The following TNKS variants were observed in gnomAD, a reference collection of about 807,000 sequenced individuals.
TNKS encodes the protein poly [ADP-ribose] polymerase tankyrase-1.
Under a neutral mutation model 135.8 loss-of-function variants are expected in TNKS, and 72 were observed. That is an observed-to-expected ratio of 0.53 (90% CI 0.44 to 0.64). TNKS has a LOEUF of 0.64. Ranked by LOEUF, TNKS falls within the 30% of genes least tolerant of loss-of-function variation. The pLI is 0.00. For missense variants in TNKS, 1,769 were observed against 1,674.0 expected (o/e 1.06, Z -0.99); for synonymous variants, 849 against 649.3 (o/e 1.31, Z -4.68).
intron 2 of TNKS, among the ~76,000 whole-genome samples, chr8:9,580,659 C>G (rs1352043383): frequency 6.6e-6 from 1 of 152,096 alleles, no homozygotes; most frequent in Admixed American, 6.6e-5. Context: ...TTTATAGTCT[C>G]TTTTAAAGAC....
chr8:9,669,290 C>CG (rs1385668496), intron 3 of TNKS, among the ~76,000 whole-genome samples: 6 of 151,266 alleles, frequency 4.0e-5, no homozygotes, highest in African/African-American at 1.5e-4. Flanking sequence ...CGGTGGCGGG[C>CG]GCCTGTAGTC....
At chr8:9,700,138 T>C (rs1034834295) in intron 5 of TNKS, among the ~76,000 whole-genome samples, 3 of 152,130 alleles carry the variant, frequency 2.0e-5, no homozygotes, top group Non-Finnish European at 4.4e-5. Context: ...TTCCCGGGTG[T>C]CCTGAACTCC....
chr8:9,766,181 G>T, intron 24 of TNKS, 58 bp from the exon 25 acceptor site: 2 of 1,432,124 alleles, frequency 1.4e-6, no homozygotes, highest in Non-Finnish European at 1.9e-6. Context: ...TAGTGTGCAG[G>T]TAATTGAGCT....
At chr8:9,568,948 C>G (rs767900957) in intron 1 of TNKS, among the ~76,000 whole-genome samples, 11 of 152,284 alleles carry the variant, frequency 7.2e-5, no homozygotes, top group East Asian at 3.9e-4. Flanking sequence ...TATACCTGTA[C>G]TTGTTTTGAG....
chr8:9,746,932 C>T (rs1029022424), intron 17 of TNKS, among the ~76,000 whole-genome samples: 15 of 141,806 alleles, frequency 1.1e-4, no homozygotes, highest in South Asian at 4.4e-4. Flanking sequence ...AACCAGGCTG[C>T]GGTGCGGTGG....
chr8:9,671,407 G>A (rs903047065), intron 3 of TNKS, among the ~76,000 whole-genome samples: 1 of 152,066 alleles, frequency 6.6e-6, no homozygotes, highest in African/African-American at 2.4e-5. Flanking sequence ...TCCATATAAT[G>A]GAATATAACT....
intron 5 of TNKS, among the ~76,000 whole-genome samples, chr8:9,684,016 A>G (rs116630438): frequency 0.011 from 1,667 of 151,960 alleles, 12 homozygotes; most frequent in African/African-American, 0.023. Flanking sequence ...TTGCTCTAAA[A>G]TGATACTTTT....
intron 2 of TNKS, among the ~76,000 whole-genome samples, chr8:9,589,522 G>T (rs1352482762): frequency 6.6e-6 from 1 of 152,192 alleles, no homozygotes; most frequent in East Asian, 1.9e-4. Flanking sequence ...TTGCTGTGAG[G>T]TCTTGGCTTC....
chr8:9,729,104 G>A lies in TNKS; in HGVS notation c.2002-1786G>A, dbSNP rs1262739705. 3.3e-5 allele frequency among the ~76,000 whole-genome samples: 5 copies of A among 152,282 alleles called. No homozygotes were observed. The South Asian group carries it at 8.3e-4, about 25-fold the overall frequency. On this transcript the variant is annotated intron_variant, in intron 13 of 26. Transcript: ENST00000310430. ...GTCTTGTTGCTGCCTCTTCTGGAGG[G>A]GACAAATGCTGTATCCTCACTTGGC...
chr8:9,572,016 A>G (rs1241579759), intron 1 of TNKS, among the ~76,000 whole-genome samples: 1 of 152,046 alleles, frequency 6.6e-6, no homozygotes, highest in Non-Finnish European at 1.5e-5. Context: ...CCTATATTGT[A>G]ATTATTTGTT....
chr8:9,738,978 C>G (rs900496579), intron 17 of TNKS, among the ~76,000 whole-genome samples: 4 of 151,984 alleles, frequency 2.6e-5, no homozygotes, highest in African/African-American at 9.7e-5. Context: ...TCTCGTTGAT[C>G]TGTCTAATAT....
In TNKS at chr8:9,704,631, T is replaced by A. The variant is rs1803963496; in HGVS notation, c.1108-32T>A. The A allele has an allele frequency of 1.9e-6, 3 of 1,559,758 alleles. No homozygotes were observed. In the South Asian group the frequency reaches 3.4e-5, roughly 18 times the overall value. On this transcript the variant is annotated intron_variant, in intron 5 of 26. Transcript: ENST00000310430. ...AAGGATTTTCTTTGTTTGTTTGTTT[T>A]TACCTGAAAAGGGGATGTTTTTCTT...
At chr8:9,672,466 G>A (rs1343669720) in intron 3 of TNKS, among the ~76,000 whole-genome samples, 3 of 151,882 alleles carry the variant, frequency 2.0e-5, no homozygotes, top group African/African-American at 4.8e-5. Context: ...AAGTTTTGCT[G>A]CCATCTGAGT....
intron 2 of TNKS, among the ~76,000 whole-genome samples, chr8:9,592,898 C>T (rs1227000616): frequency 6.6e-6 from 1 of 152,116 alleles, no homozygotes; most frequent in African/African-American, 2.4e-5. Context: ...AAATATAAAA[C>T]ACATTTTATA....
intron 3 of TNKS, among the ~76,000 whole-genome samples, chr8:9,626,150 A>G (rs992943401): frequency 2.6e-5 from 4 of 152,152 alleles, no homozygotes; most frequent in African/African-American, 9.7e-5. Context: ...TCTTCATTTT[A>G]TAAAAACTCT....
At chr8:9,685,054 A>G (rs1280422844) in intron 5 of TNKS, among the ~76,000 whole-genome samples, 1 of 152,164 alleles carries the variant, frequency 6.6e-6, no homozygotes, top group African/African-American at 2.4e-5. Flanking sequence ...CATGATTTTA[A>G]TTCAGAAAAC....
At position 9,729,601 on chromosome 8, in the gene TNKS, G is replaced by A. The variant is rs145270168; in HGVS notation, c.2002-1289G>A. Reference sequence around the variant, plus strand: ...GTTAAAAATCAGTAAAGCAGGGTTTGAGTCTTTATTCTACCCCTTACCAAC... The same window carrying A: ...GTTAAAAATCAGTAAAGCAGGGTTTAAGTCTTTATTCTACCCCTTACCAAC... On this transcript the variant is annotated intron_variant, in intron 13 of 26. Transcript: ENST00000310430. Among the ~76,000 whole-genome samples the A allele has an allele frequency of 4.6e-5, 7 of 152,172 alleles. No individual in the cohort carries two copies. In the East Asian group the frequency reaches 1.4e-3, roughly 29 times the overall value.
chr8:9,709,898 A>C, intron 9 of TNKS, 57 bp from the exon 10 acceptor site: 1 of 1,338,912 alleles, frequency 7.5e-7, no homozygotes, highest in Non-Finnish European at 1.1e-6. Flanking sequence ...TTCAATTCCA[A>C]GAGCTACTGT....
rs1414231270 is a variant in TNKS, at chr8:9,726,652, A to G, written c.1933A>G (p.Ile645Val). The G allele has an allele frequency of 1.2e-6, 2 of 1,612,724 alleles. No homozygotes were observed. Among genetic ancestry groups the G allele is most frequent in the African/African-American group, 1.3e-5 (1 of 74,880 alleles). ...TTCCTTTTATGCAGAGAGTACACCT[A>G]TACGTACTTCTGATGTTGATTATCG... Reference protein sequence around the residue: ...VQQILSESTPIRTSDVDYRLL... With the variant: ...VQQILSESTPVRTSDVDYRLL... The change falls in exon 13 of 27, where the codon ATA becomes GTA. Residue 645 changes from isoleucine (I) to valine (V), a missense_variant. Ile to Val is a conservative substitution (Grantham distance 29). Around this residue, in one of 5 missense-constraint regions of TNKS, gnomAD observed 523 missense variants for 541.0 expected, o/e 0.97. Transcript: ENST00000310430.
Sources: gnomAD v4.1 joint callset for allele counts (sites outside exome capture counted in the v4.1 genomes callset) on GRCh38, gnomAD v4.1.1 for gene constraint, gnomAD v4.1.1 regional missense constraint, MANE v1.5 for transcripts, NCBI Gene and HGNC (gene_info 2026-07-23, HGNC 2026-07-21) for gene names.